ZZEF1: variants seen among roughly 807,000 people sequenced by gnomAD.
ZZEF1 encodes the protein zinc finger ZZ-type and EF-hand domain containing 1, also known as zinc finger ZZ-type and EF-hand domain-containing protein 1.
Under a neutral mutation model 342.8 loss-of-function variants are expected in ZZEF1, and 157 were observed. That is an observed-to-expected ratio of 0.46 (90% CI 0.40 to 0.52). The LOEUF (loss-of-function observed/expected upper bound fraction) is 0.52, where lower values mean the gene tolerates loss of function less well. Ranked by LOEUF, ZZEF1 falls within the 20% of genes least tolerant of loss-of-function variation. The probability of loss-of-function intolerance (pLI) is 0.00; values close to 1 mark genes in which losing one functional copy is unlikely to be tolerated. For synonymous variants in ZZEF1, 1,505 were observed against 1,429.1 expected (o/e 1.05, Z -1.20); for missense variants, 3,480 against 3,725.6 (o/e 0.93, Z 1.72).
rs2057106556 is a variant in ZZEF1 at position 4,054,099 on chromosome 17, G to T, written c.5392C>A (p.Leu1798Met). Residue 1798 changes from leucine to methionine, a missense_variant, in exon 34 of 55, where the codon CTG (leucine) becomes ATG (methionine). Physicochemically the swap from Leu to Met is conservative, Grantham distance 15. Transcript: ENST00000381638. ...CAGAGATCCATGTCGCTGCACTGCAGACAGCGGTATCGATGCCAGGGGGCA... is the reference window on the plus strand; with the variant it reads ...CAGAGATCCATGTCGCTGCACTGCATACAGCGGTATCGATGCCAGGGGGCA... Reference protein sequence around the residue: ...EIAPWHRYRCLQCSDMDLCKT... With the variant: ...EIAPWHRYRCMQCSDMDLCKT... 1 of 1,613,792 alleles carries T rather than the reference G, an allele frequency of 6.2e-7. No homozygotes were observed. Among genetic ancestry groups the T allele is most frequent in the Admixed American group, 1.7e-5 (1 of 59,980 alleles).
In ZZEF1 at chr17:4,059,208, C is replaced by T; in HGVS notation, c.4966G>A (p.Val1656Ile). The T allele has an allele frequency of 6.2e-7, 1 of 1,607,424 alleles. No homozygotes were observed. The highest frequency in any genetic ancestry group is 8.5e-7 in the Non-Finnish European group (1 of 1,178,846). The change falls in exon 31 of 55, where the codon GTC becomes ATC. Residue 1656 changes from valine to isoleucine, a missense_variant. Transcript: ENST00000381638. ...CTACTAAATCCTTTAACTGCTTTGA[C>T]CAAAAACAGAACAAGTTGATAGTAA... ...DTYYQLVLFL[V>I]KAVKGFSSLN...
rs2058141240 is a variant in ZZEF1, at chr17:4,102,369, T to C, written c.1620A>G (p.Lys540=). ...LTLQACDVKG[K]EDKSGPENLL... is the part of the protein sequence containing the mutation. Reference sequence around the variant, plus strand: ...GGTTTTCGGGTCCAGACTTATCTTCTTTTCCTTTGACATCACATGCCTGAA... The same window carrying C: ...GGTTTTCGGGTCCAGACTTATCTTCCTTTCCTTTGACATCACATGCCTGAA... The change falls in exon 9 of 55, where the codon AAA becomes AAG. Residue 540 remains lysine, a synonymous_variant. Coordinates refer to ENST00000381638, the MANE Select transcript of ZZEF1 (RefSeq NM_015113.4). 6.2e-7 allele frequency: 1 copy of C among 1,613,868 alleles called. No homozygotes were observed.
chr17:4,072,918 T>C, intron 24 of ZZEF1, 162 bp from the exon 25 acceptor site: 1 of 656,576 alleles, frequency 1.5e-6, no homozygotes, highest in Middle Eastern at 4.5e-4. Flanking sequence ...TGTAAACACA[T>C]ACCACAGATT....
intron 30 of ZZEF1, among the ~76,000 whole-genome samples, chr17:4,060,077 G>A (rs2057251775): frequency 6.6e-6 from 1 of 152,296 alleles, no homozygotes; most frequent in South Asian, 2.1e-4. Flanking sequence ...ACTAACTCCC[G>A]TGTCCCTTCC....
At chr17:4,011,684 A>G (rs1455135647) in intron 52 of ZZEF1, among the ~76,000 whole-genome samples, 4 of 152,132 alleles carry the variant, frequency 2.6e-5, no homozygotes, top group Non-Finnish European at 5.9e-5. Flanking sequence ...ATTATATAAT[A>G]TTGGATTTTG....
intron 7 of ZZEF1, 142 bp downstream of exon 7, chr17:4,105,551 A>G: frequency 1.5e-6 from 1 of 665,466 alleles, no homozygotes; most frequent in Non-Finnish European, 2.6e-6. Flanking sequence ...GTGAACTATT[A>G]TGTCACTTTC....
intron 1 of ZZEF1, among the ~76,000 whole-genome samples, chr17:4,140,146 C>T (rs575316652): frequency 1.7e-4 from 26 of 152,336 alleles, no homozygotes; most frequent in African/African-American, 6.0e-4. Context: ...CTTGGACTGC[C>T]TACCTGGACA....
intron 1 of ZZEF1, among the ~76,000 whole-genome samples, chr17:4,132,940 TG>T (rs1475035896): frequency 3.3e-5 from 5 of 151,874 alleles, no homozygotes; most frequent in Admixed American, 6.6e-5. Flanking sequence ...CAGTCCAGCC[TG>T]GGCGACAGAG....
chr17:4,049,742 G>A lies in ZZEF1; in HGVS notation c.5981C>T (p.Ala1994Val), dbSNP rs2057004495. 2 of 1,614,140 alleles carry A rather than the reference G, an allele frequency of 1.2e-6. No homozygotes were observed. Among genetic ancestry groups the A allele is most frequent in the Non-Finnish European group, 1.7e-6 (2 of 1,180,022 alleles). ...GASEEQLEKK[A>V]VQGAELSEAG... Reference sequence around the variant, plus strand: ...TTCTGACAGCTCAGCACCCTGGACAGCTTTCTTCTCTAGCTGCTCCTCTGA... The same window carrying A: ...TTCTGACAGCTCAGCACCCTGGACAACTTTCTTCTCTAGCTGCTCCTCTGA... The change falls in exon 37 of 55, where the codon GCT (alanine) becomes GTT (valine). Residue 1994 changes from alanine (A) to valine (V), a missense_variant. Ala to Val is a moderately conservative substitution (Grantham distance 64). Coordinates refer to ENST00000381638, the MANE Select transcript of ZZEF1 (RefSeq NM_015113.4).
At position 4,032,265 on chromosome 17, in the gene ZZEF1, C is replaced by T. The variant is rs757098763; in HGVS notation, c.6760-7G>A. 9 of 1,607,462 alleles carry T rather than the reference C, an allele frequency of 5.6e-6. No homozygotes were observed. Among genetic ancestry groups the T allele is most frequent in the South Asian group, 4.5e-5 (4 of 89,396 alleles). ...GGGTTCCCACACAGAGGACCTAGAA[C>T]GTGGTAGACAGAGACAGAAAGGCAA... is the stretch of plus-strand genomic sequence containing the variant. On this transcript the variant is annotated splice_polypyrimidine_tract_variant and splice_region_variant and intron_variant, in intron 41 of 54. Coordinates refer to ENST00000381638, the MANE Select transcript of ZZEF1 (RefSeq NM_015113.4).
At chr17:4,024,243 G>A (rs375425879) in intron 43 of ZZEF1, among the ~76,000 whole-genome samples, 1 of 128,304 alleles carries the variant, frequency 7.8e-6, no homozygotes, top group East Asian at 2.4e-4. Context: ...TGTTACCCAG[G>A]CTGGAGTGCA....
At chr17:4,009,322 C>G (rs569405727) in intron 53 of ZZEF1, 3 of 574,750 alleles carry the variant, frequency 5.2e-6, no homozygotes, top group Admixed American at 6.0e-5. Context: ...AATAACCCAT[C>G]GTTTTATTTT....
intron 27 of ZZEF1, among the ~76,000 whole-genome samples, chr17:4,066,783 T>C (rs188741945): frequency 1.7e-4 from 26 of 152,238 alleles, no homozygotes; most frequent in African/African-American, 4.8e-4. Context: ...TCTAGAGAAA[T>C]GAAGAGTCTT....
rs150089164 is a variant in ZZEF1, at chr17:4,032,240, G to A, written c.6778C>T (p.Arg2260Cys). 16 of 1,612,982 alleles carry A rather than the reference G, an allele frequency of 9.9e-6. No homozygotes were observed. The highest frequency in any genetic ancestry group is 2.2e-5 in the South Asian group (2 of 90,824). ...GFPQVLCVGT[R>C]CVYMDNANEP... ...TTGGCATTATCCATATAAACGCAGC[G>A]GGTTCCCACACAGAGGACCTAGAAC... The change falls in exon 42 of 55, where the codon CGC becomes TGC. Residue 2260 changes from arginine to cysteine, a missense_variant. Transcript: ENST00000381638.
chr17:4,063,149 T>G (rs2057319981), intron 29 of ZZEF1, among the ~76,000 whole-genome samples: 1 of 152,200 alleles, frequency 6.6e-6, no homozygotes, highest in Non-Finnish European at 1.5e-5. Context: ...AACCCATTAT[T>G]TAACTTAACG....
In ZZEF1 at chr17:4,013,459, A is replaced by C. The variant is rs772692724; in HGVS notation, c.8569T>G (p.Cys2857Gly). 1 of 1,607,536 alleles carries C rather than the reference A, an allele frequency of 6.2e-7. No homozygotes were observed. The highest frequency in any genetic ancestry group is 8.5e-7 in the Non-Finnish European group (1 of 1,176,060). ...IHLLLRIVRC[C>G]GHSDLCDLAL... ...CGGGACACCGCTTACCTGTGGCCGC[A>C]GCATCGCACAATCCTCAGAAGTAAG... is the stretch of plus-strand genomic sequence containing the variant. Residue 2857 changes from cysteine (C) to glycine (G), a missense_variant, in exon 52 of 55, where the codon TGC becomes GGC. By Grantham distance (159) the Cys-to-Gly change is radical. Around this residue, in one of 5 missense-constraint regions of ZZEF1, gnomAD observed 1,269 missense variants for 1,342.4 expected, o/e 0.95. Coordinates refer to ENST00000381638, the MANE Select transcript of ZZEF1 (RefSeq NM_015113.4).
intron 37 of ZZEF1, among the ~76,000 whole-genome samples, chr17:4,046,855 CA>C (rs2056925039): frequency 6.6e-6 from 1 of 152,132 alleles, no homozygotes; most frequent in Non-Finnish European, 1.5e-5. Context: ...TTGTTGAAAA[CA>C]AAAAGTATCT....
intron 1 of ZZEF1, among the ~76,000 whole-genome samples, chr17:4,129,137 G>A (rs141088828): frequency 6.6e-6 from 1 of 152,268 alleles, no homozygotes; most frequent in Non-Finnish European, 1.5e-5. Context: ...TCCTTTTAAA[G>A]TGTATAATTC....
At chr17:4,068,729 G>A (rs1435648893) in intron 26 of ZZEF1, among the ~76,000 whole-genome samples, 1 of 152,090 alleles carries the variant, frequency 6.6e-6, no homozygotes, top group East Asian at 1.9e-4. Flanking sequence ...TGAAGCCCTG[G>A]AATACGCCAG....
Sources: allele counts gnomAD v4.1 joint callset (sites outside exome capture counted in the v4.1 genomes callset), GRCh38; gene constraint gnomAD v4.1.1; regional missense constraint gnomAD v4.1.1; transcripts MANE v1.5; gene names NCBI Gene and HGNC (gene_info 2026-07-23, HGNC 2026-07-21).